The following FAM171B variants were observed in gnomAD, a reference collection of about 807,000 sequenced individuals.
FAM171B encodes the protein family with sequence similarity 171 member B.
A neutral mutation model predicts 75.6 loss-of-function variants in FAM171B; 19 were observed. The observed-to-expected ratio is 0.25, with a 90% CI of 0.18 to 0.37. The LOEUF (loss-of-function observed/expected upper bound fraction) is 0.37, where lower values mean the gene tolerates loss of function less well. FAM171B is among the 10% of genes least tolerant of loss of function. FAM171B has a pLI of 1.00. For missense variants in FAM171B, 848 were observed against 982.4 expected (o/e 0.86, Z 1.83); for synonymous variants, 367 against 361.7 (o/e 1.01, Z -0.17).
At chr2:186,747,598 A>G (rs1003060796) in intron 4 of FAM171B, among the ~76,000 whole-genome samples, 2 of 152,098 alleles carry the variant, frequency 1.3e-5, no homozygotes, top group Non-Finnish European at 2.9e-5. Flanking sequence ...ATTAAAATTC[A>G]GTTTGTATTT....
chr2:186,711,129 G>T (rs949394535), intron 1 of FAM171B, among the ~76,000 whole-genome samples: 5 of 152,188 alleles, frequency 3.3e-5, no homozygotes, highest in Admixed American at 3.3e-4. Flanking sequence ...GAATCTTATA[G>T]ACTGGTCTGT....
At chr2:186,738,304 G>C (rs1213656357) in intron 1 of FAM171B, among the ~76,000 whole-genome samples, 3 of 152,022 alleles carry the variant, frequency 2.0e-5, no homozygotes, top group African/African-American at 7.2e-5. Flanking sequence ...CCATGCCCAA[G>C]AAGAATAAGG....
intron 1 of FAM171B, among the ~76,000 whole-genome samples, chr2:186,734,214 G>T (rs1690164085): frequency 6.6e-6 from 1 of 151,990 alleles, no homozygotes; most frequent in South Asian, 2.1e-4. Context: ...TCATCCCAAT[G>T]AGTACAGCCC....
intron 1 of FAM171B, among the ~76,000 whole-genome samples, chr2:186,736,619 G>A (rs144239360): frequency 1.8e-3 from 194 of 109,290 alleles, no homozygotes; most frequent in African/African-American, 5.9e-3. Context: ...AACATTTAAC[G>A]TTTTAGACTC....
chr2:186,757,944 G>T (rs1690556957), intron 6 of FAM171B, among the ~76,000 whole-genome samples: 1 of 152,144 alleles, frequency 6.6e-6, no homozygotes, highest in African/African-American at 2.4e-5. Context: ...CAGATCTACA[G>T]CTAGCAGAAA....
intron 1 of FAM171B, among the ~76,000 whole-genome samples, chr2:186,699,197 C>T (rs551649517): frequency 1.9e-4 from 29 of 152,268 alleles, no homozygotes; most frequent in Admixed American, 5.9e-4. Flanking sequence ...TTTTGAGGAA[C>T]CTCCTACTGT....
chr2:186,697,608 A>C (rs1010241755), intron 1 of FAM171B, among the ~76,000 whole-genome samples: 9 of 152,152 alleles, frequency 5.9e-5, no homozygotes, highest in African/African-American at 2.2e-4. Flanking sequence ...ATACCTTTAA[A>C]TAGCTGTGAT....
intron 1 of FAM171B, among the ~76,000 whole-genome samples, chr2:186,705,567 A>G (rs1689722681): frequency 6.6e-6 from 1 of 152,194 alleles, no homozygotes; most frequent in African/African-American, 2.4e-5. Context: ...GAAAGGGGTC[A>G]GAAAACCTAC....
Position 186,763,594 on chromosome 2 carries a change from C to G in FAM171B, c.*771C>G, listed in dbSNP as rs1690655806. ...AAGCAAGCTTAGCTGTCAAGGGAAA[C>G]TTTTTACAAATCTGAAAAAAACAAT... On this transcript the variant is annotated 3_prime_UTR_variant, in exon 8 of 8. Coordinates refer to ENST00000304698, the MANE Select transcript of FAM171B (RefSeq NM_177454.4). The G allele has an allele frequency of 6.6e-6, 1 of 151,882 alleles. No individual in the cohort carries two copies. The highest frequency in any genetic ancestry group is 2.1e-4 in the South Asian group (1 of 4,826). The allele number at this position is 151,882 out of a possible 1,614,324, so 9.4% of individuals were successfully genotyped here. A position where few individuals can be genotyped will look rare whatever the true frequency, so the allele number is the denominator to read the frequency against.
intron 4 of FAM171B, among the ~76,000 whole-genome samples, chr2:186,750,141 T>C (rs552945435): frequency 6.6e-4 from 101 of 152,144 alleles, no homozygotes; most frequent in Non-Finnish European, 1.3e-3. Context: ...CAAAAGCAAA[T>C]AGATAAAAAG....
At chr2:186,723,496 T>G (rs926287830) in intron 1 of FAM171B, among the ~76,000 whole-genome samples, 8 of 152,188 alleles carry the variant, frequency 5.3e-5, no homozygotes, top group African/African-American at 1.9e-4. Flanking sequence ...TTCTCATTTT[T>G]ATTGCCAACT....
chr2:186,740,099 T>G (rs1359472079), intron 1 of FAM171B, 129 bp from the exon 2 acceptor site: 3 of 625,162 alleles, frequency 4.8e-6, no homozygotes, highest in Non-Finnish European at 5.5e-6. Context: ...ATTATATGTA[T>G]TTATGTGTAG....
At chr2:186,725,538 A>C (rs1362486320) in intron 1 of FAM171B, among the ~76,000 whole-genome samples, 1 of 152,072 alleles carries the variant, frequency 6.6e-6, no homozygotes, top group African/African-American at 2.4e-5. Flanking sequence ...TTGAATTCCC[A>C]GGTTCAGGGA....
intron 1 of FAM171B, among the ~76,000 whole-genome samples, chr2:186,713,340 C>G (rs1411021358): frequency 2.6e-5 from 4 of 152,198 alleles, no homozygotes; most frequent in African/African-American, 7.2e-5. Flanking sequence ...TCTATTCTTC[C>G]CCTTCTGGGG....
chr2:186,711,376 G>A lies in FAM171B; in HGVS notation c.238+16965G>A, dbSNP rs559041187. Among the ~76,000 whole-genome samples, 5 of 152,284 alleles carry A rather than the reference G, an allele frequency of 3.3e-5. No homozygotes were observed. In the East Asian group the frequency reaches 5.8e-4, roughly 18 times the overall value. On this transcript the variant is annotated intron_variant, in intron 1 of 7. Transcript: ENST00000304698. Reference sequence around the variant, plus strand: ...ATGGTGAATCTATACAGCATTGGCTGTCTGCTACTTCTTCCCAACTTTATT... The same window carrying A: ...ATGGTGAATCTATACAGCATTGGCTATCTGCTACTTCTTCCCAACTTTATT...
At chr2:186,717,951 C>A (rs1444542926) in intron 1 of FAM171B, among the ~76,000 whole-genome samples, 3 of 152,034 alleles carry the variant, frequency 2.0e-5, no homozygotes, top group Non-Finnish European at 4.4e-5. Flanking sequence ...GTGCCTATCA[C>A]CTTGATTGAC....
At chr2:186,737,915 A>C (rs1690227584) in intron 1 of FAM171B, among the ~76,000 whole-genome samples, 1 of 152,210 alleles carries the variant, frequency 6.6e-6, no homozygotes, top group African/African-American at 2.4e-5. Flanking sequence ...TGGGTGTTGC[A>C]CAGCCCAGCA....
At chr2:186,713,582 C>T (rs1451838080) in intron 1 of FAM171B, among the ~76,000 whole-genome samples, 1 of 151,908 alleles carries the variant, frequency 6.6e-6, no homozygotes, top group East Asian at 1.9e-4. Flanking sequence ...AAGTATATAC[C>T]CATTTTATAA....
rs1202553426 is a variant in FAM171B, at chr2:186,762,648, G to A, written c.2306G>A (p.Gly769Glu). ...AGGCACATCCTAGATGGAGGGAGTG[G>A]AGTGATCATGGAGCACCCTGGAGAA... ...ALRHILDGGS[G>E]VIMEHPGEES... is the part of the protein sequence containing the mutation. Residue 769 changes from glycine to glutamate, a missense_variant, in exon 8 of 8, where the codon GGA becomes GAA. Gly to Glu is a moderately conservative substitution (Grantham distance 98, BLOSUM62 -2). Transcript: ENST00000304698. This position sits in a 1 kb window ranked among gnomAD's most constrained non-coding sequence, Gnocchi z 4.0. 1 of 1,613,274 alleles carries A rather than the reference G, an allele frequency of 6.2e-7. No individual in the cohort carries two copies. The highest frequency in any genetic ancestry group is 8.5e-7 in the Non-Finnish European group (1 of 1,179,644).
Sources: allele counts gnomAD v4.1 joint callset (sites outside exome capture counted in the v4.1 genomes callset), GRCh38; gene constraint gnomAD v4.1.1; non-coding constraint Gnocchi (gnomAD v3.1); transcripts MANE v1.5; gene names NCBI Gene and HGNC (gene_info 2026-07-23, HGNC 2026-07-21).